Variants in LINGO2 observed in about 807,000 individuals in gnomAD.
LINGO2 encodes the protein leucine-rich repeat and immunoglobulin-like domain-containing nogo receptor-interacting protein 2.
A neutral mutation model predicts 30.6 loss-of-function variants in LINGO2; 14 were observed. The ratio of observed to expected loss-of-function variants is 0.46; its 90% CI spans 0.30 to 0.72. The LOEUF (loss-of-function observed/expected upper bound fraction) is 0.72. Ranked by LOEUF, LINGO2 falls within the 30% of genes least tolerant of loss-of-function variation. The pLI is 0.07. For missense variants in LINGO2, 729 were observed against 751.7 expected (o/e 0.97, Z 0.35); for synonymous variants, 317 against 288.5 (o/e 1.10, Z -1.00).
intron 3 of LINGO2, among the ~76,000 whole-genome samples, chr9:28,327,262 G>C (rs975842756): frequency 2.6e-5 from 4 of 152,120 alleles, no homozygotes; most frequent in African/African-American, 9.7e-5. Context: ...CCAGTCTAAG[G>C]TATTTTGTTA....
chr9:29,099,887 C>T, the LINGO2 span, among the ~76,000 whole-genome samples: 8 of 152,044 alleles, frequency 5.3e-5, no homozygotes, highest in East Asian at 1.9e-4. Flanking sequence ...TAGGTATATA[C>T]GCCAAAGAAA....
the LINGO2 span, among the ~76,000 whole-genome samples, chr9:29,133,383 G>A: frequency 1.3e-5 from 2 of 151,870 alleles, no homozygotes; most frequent in Non-Finnish European, 2.9e-5. Context: ...ACATAATGTG[G>A]GTTAATCATT....
chr9:28,576,166 G>C (rs952911491), intron 1 of LINGO2, among the ~76,000 whole-genome samples: 1 of 152,180 alleles, frequency 6.6e-6, no homozygotes, highest in African/African-American at 2.4e-5. Flanking sequence ...AAATCATTTG[G>C]CAACACTGTA....
upstream of LINGO2, among the ~76,000 whole-genome samples, chr9:28,674,188 C>G (rs745810356): frequency 6.6e-5 from 10 of 151,958 alleles, no homozygotes; most frequent in Non-Finnish European, 1.3e-4. Context: ...CAAACGTGAC[C>G]CTAACTTCAA....
At chr9:28,580,202 C>T (rs902452929) in intron 1 of LINGO2, among the ~76,000 whole-genome samples, 1 of 151,954 alleles carries the variant, frequency 6.6e-6, no homozygotes, top group Non-Finnish European at 1.5e-5. Context: ...ATATCATATA[C>T]CAGTACAGAA....
At chr9:29,091,221 G>A in the LINGO2 span, among the ~76,000 whole-genome samples, 1 of 151,846 alleles carries the variant, frequency 6.6e-6, no homozygotes, top group Non-Finnish European at 1.5e-5. Flanking sequence ...AGCAACAAAC[G>A]AATGCTCTCT....
intron 1 of LINGO2, among the ~76,000 whole-genome samples, chr9:28,510,319 T>C (rs888608968): frequency 6.6e-6 from 1 of 152,036 alleles, no homozygotes; most frequent in African/African-American, 2.4e-5. Flanking sequence ...TGATAATACA[T>C]ACAGTTGATT....
Position 28,632,854 on chromosome 9 carries a change from T to A in LINGO2, c.-365+37346A>T, listed in dbSNP as rs868253801. 4.0e-3 allele frequency among the ~76,000 whole-genome samples: 328 copies of A among 82,998 alleles called. 13 individuals are homozygous for A. Among genetic ancestry groups the A allele is most frequent in the African/African-American group, 0.023 (295 of 13,064 alleles). The allele number at this position is 82,998 out of a possible 152,430, so 54.4% of individuals were successfully genotyped here. A position where few individuals can be genotyped will look rare whatever the true frequency, so the allele number is the denominator to read the frequency against. On this transcript the variant is annotated intron_variant, in intron 1 of 5. Transcript: ENST00000379992. ...TTATATATATAAATCTATATATATT[T>A]TTTATATATATATATATATATATAT...
the LINGO2 span, among the ~76,000 whole-genome samples, chr9:28,987,963 T>G: frequency 6.6e-6 from 1 of 152,120 alleles, no homozygotes; most frequent in Admixed American, 6.6e-5. Context: ...TGATCTACCT[T>G]GGGGAAGGTT....
chr9:28,253,427 T>C (rs954793026), intron 4 of LINGO2, among the ~76,000 whole-genome samples: 3 of 152,190 alleles, frequency 2.0e-5, no homozygotes, highest in Admixed American at 2.0e-4. Context: ...TTAGAATTTA[T>C]GATAATCTGT....
chr9:28,282,728 G>A (rs1034235719), intron 4 of LINGO2, among the ~76,000 whole-genome samples: 19 of 152,042 alleles, frequency 1.2e-4, no homozygotes, highest in African/African-American at 4.6e-4. Context: ...TAGGAGGTAT[G>A]GGTTTGAGAA....
chr9:28,332,338 A>T (rs776662763), intron 3 of LINGO2, among the ~76,000 whole-genome samples: 1 of 152,172 alleles, frequency 6.6e-6, no homozygotes, highest in Non-Finnish European at 1.5e-5. Context: ...TCAACCTAAT[A>T]ATCCAAGGCG....
intron 1 of LINGO2, among the ~76,000 whole-genome samples, chr9:28,644,393 G>A (rs1402117494): frequency 6.6e-6 from 1 of 151,700 alleles, no homozygotes; most frequent in East Asian, 1.9e-4. Flanking sequence ...TTTGCAAGAA[G>A]GTTCCTGGCT....
chr9:28,214,856 C>T (rs1271119110), intron 4 of LINGO2, among the ~76,000 whole-genome samples: 3 of 151,520 alleles, frequency 2.0e-5, no homozygotes, highest in Non-Finnish European at 4.4e-5. Flanking sequence ...CAGCTTATTT[C>T]TCAATCTTTC....
intron 4 of LINGO2, among the ~76,000 whole-genome samples, chr9:28,246,990 A>C (rs1385404335): frequency 6.6e-6 from 1 of 152,254 alleles, no homozygotes; most frequent in Admixed American, 6.5e-5. Flanking sequence ...TAGGTAGCCA[A>C]CATGAAAAAA....
At chr9:28,669,234 G>C (rs543795480) in intron 1 of LINGO2, among the ~76,000 whole-genome samples, 1 of 152,142 alleles carries the variant, frequency 6.6e-6, no homozygotes, top group Non-Finnish European at 1.5e-5. Context: ...ACAACTCCCT[G>C]CTTCCTGGCT....
At chr9:28,509,281 G>A (rs867369933) in intron 1 of LINGO2, among the ~76,000 whole-genome samples, 5 of 152,152 alleles carry the variant, frequency 3.3e-5, no homozygotes, top group Middle Eastern at 3.4e-3. Context: ...ATTTTCGCTC[G>A]GACATGAAAA....
chr9:28,736,349 G>A, the LINGO2 span, among the ~76,000 whole-genome samples: 1 of 152,166 alleles, frequency 6.6e-6, no homozygotes, highest in Admixed American at 6.5e-5. Context: ...AATAATGTTA[G>A]CAGTATGTGC....
At chr9:28,591,928 C>T (rs1824933196) in intron 1 of LINGO2, among the ~76,000 whole-genome samples, 1 of 151,980 alleles carries the variant, frequency 6.6e-6, no homozygotes, top group Admixed American at 6.6e-5. Flanking sequence ...TCACAATGAG[C>T]TTCCTGGCAG....
Sources: gnomAD v4.1 joint callset for allele counts (sites outside exome capture counted in the v4.1 genomes callset) on GRCh38, gnomAD v4.1.1 for gene constraint, MANE v1.5 for transcripts, NCBI Gene and HGNC (gene_info 2026-07-23, HGNC 2026-07-21) for gene names.